The following DNAH12 variants were observed in gnomAD, a reference collection of about 807,000 sequenced individuals.
The protein encoded by DNAH12 is axonemal beta dynein heavy chain 12.
In DNAH12, 285 loss-of-function variants were observed where a neutral mutation model predicts 371.5. The observed-to-expected ratio is 0.77, with a 90% CI of 0.70 to 0.85. The LOEUF (loss-of-function observed/expected upper bound fraction) is 0.85, where lower values mean the gene tolerates loss of function less well. Ranked by LOEUF, DNAH12 falls within the 40% of genes least tolerant of loss-of-function variation. The pLI, the probability that DNAH12 is intolerant of heterozygous loss-of-function variation, is 0.00. For synonymous variants in DNAH12, 1,200 were observed against 1,213.0 expected, an observed-to-expected ratio of 0.99 and a Z score of 0.22; for missense variants, 3,611 against 3,689.4, an observed-to-expected ratio of 0.98 and a Z score of 0.55.
chr3:57,371,990 A>G lies in DNAH12; in HGVS notation c.8759+3381T>C, dbSNP rs990902705. ...ATTCTTTCAAAATGAAGATGAAATAAAGACTTTTTTCAAGGTTGGTTAATA... is the reference window on the plus strand; with the variant it reads ...ATTCTTTCAAAATGAAGATGAAATAGAGACTTTTTTCAAGGTTGGTTAATA... On this transcript the variant is annotated intron_variant, in intron 55 of 73. Coordinates refer to ENST00000495027, the MANE Select transcript of DNAH12 (RefSeq NM_001366028.2). Among the ~76,000 whole-genome samples, 51 of 148,810 alleles carry G rather than the reference A, an allele frequency of 3.4e-4. 2 individuals carry two copies. The East Asian group carries it at 7.4e-3, about 21-fold the overall frequency.
chr3:57,536,886 T>TCAC (rs1049863801), intron 2 of DNAH12, among the ~76,000 whole-genome samples: 19 of 152,374 alleles, frequency 1.2e-4, no homozygotes, highest in African/African-American at 4.6e-4. Flanking sequence ...GTGAGCCTTT[T>TCAC]CACTACCTGA....
At chr3:57,489,309 A>G (rs1431304546) in intron 12 of DNAH12, among the ~76,000 whole-genome samples, 200 bp downstream of exon 12, 1 of 152,144 alleles carries the variant, frequency 6.6e-6, no homozygotes, top group Non-Finnish European at 1.5e-5. Flanking sequence ...CCTGGGTTGC[A>G]TTTAAAAAGG....
chr3:57,555,793 G>T, the DNAH12 span, among the ~76,000 whole-genome samples: 5 of 152,240 alleles, frequency 3.3e-5, no homozygotes, highest in African/African-American at 1.2e-4. Context: ...CTGCTCAGAG[G>T]TGCGTAGGCG....
At chr3:57,419,642 A>G in intron 36 of DNAH12, 124 bp from the exon 37 acceptor site, 1 of 587,620 alleles carries the variant, frequency 1.7e-6, no homozygotes, top group African/African-American at 1.9e-5. Context: ...TTTTAATGAA[A>G]TATTACATTC....
Position 57,425,052 on chromosome 3 carries a change from A to G in DNAH12, c.5343T>C (p.Pro1781=). ...TCCAAACACGAATGTGCTTGCTAGTAGGATCATTTTCTACCACATTGCAAA... is the reference window on the plus strand; with the variant it reads ...TCCAAACACGAATGTGCTTGCTAGTGGGATCATTTTCTACCACATTGCAAA... ...VLLCNVVEND[P]TSKHIRVWIM... Residue 1781 remains proline (P), a synonymous_variant, in exon 35 of 74, where the codon CCT becomes CCC. Transcript: ENST00000495027. 1.4e-6 allele frequency: 1 copy of G among 702,722 alleles called. No homozygotes were observed. Among genetic ancestry groups the G allele is most frequent in the East Asian group, 2.7e-5 (1 of 37,254 alleles). The allele number at this position is 702,722 out of a possible 1,614,324, so 43.5% of individuals were successfully genotyped here.
At chr3:57,494,427 T>C (rs1474223242) in intron 11 of DNAH12, among the ~76,000 whole-genome samples, 2 of 151,892 alleles carry the variant, frequency 1.3e-5, no homozygotes, top group Non-Finnish European at 1.5e-5. Flanking sequence ...CCAGGCATGG[T>C]GGCCTGTGCC....
At position 57,462,732 on chromosome 3, in the gene DNAH12, T is replaced by C. The variant is rs1195484089; in HGVS notation, c.2493A>G (p.Pro831=). The change falls in exon 18 of 74, where the codon CCA becomes CCG. Residue 831 remains proline, a synonymous_variant. Transcript: ENST00000495027. ...TTATCACTTCAAATTGTTCCAAGTA[T>C]GGGGTAAGGTTTAATTTTAAAACTT... ...LRKVLKLNLT[P]YLEQFEVISA... is the part of the protein sequence containing the mutation. 1.3e-6 allele frequency: 2 copies of C among 1,551,498 alleles called. No individual in the cohort carries two copies. The highest frequency in any genetic ancestry group is 8.7e-7 in the Non-Finnish European group (1 of 1,146,904).
the DNAH12 span, among the ~76,000 whole-genome samples, chr3:57,549,822 C>A: frequency 2.0e-5 from 3 of 151,886 alleles, no homozygotes; most frequent in Non-Finnish European, 2.9e-5. Context: ...CAGGGTTTTG[C>A]CATGTTGCCC....
At chr3:57,503,336 CTAAT>C (rs1485370704) in intron 9 of DNAH12, among the ~76,000 whole-genome samples, 9 of 151,304 alleles carry the variant, frequency 5.9e-5, no homozygotes, top group Admixed American at 3.9e-4. Flanking sequence ...TATTTATTGA[CTAAT>C]TATTTACTGA....
At chr3:57,349,395 C>T (rs1305832420) in intron 60 of DNAH12, among the ~76,000 whole-genome samples, 1 of 152,182 alleles carries the variant, frequency 6.6e-6, no homozygotes, top group Admixed American at 6.5e-5. Context: ...ACAACCACTA[C>T]AGAAAACAGT....
chr3:57,301,501 T>G (rs2061345118), intron 70 of DNAH12, among the ~76,000 whole-genome samples: 1 of 152,022 alleles, frequency 6.6e-6, no homozygotes, highest in African/African-American at 2.4e-5. Context: ...CTTTGAAATG[T>G]GTATATTTTT....
intron 55 of DNAH12, among the ~76,000 whole-genome samples, chr3:57,372,793 G>A (rs2063202783): frequency 1.3e-5 from 2 of 151,724 alleles, no homozygotes; most frequent in Non-Finnish European, 2.9e-5. Flanking sequence ...AAGAAAAAAG[G>A]AACAAAGAAC....
At chr3:57,509,119 T>C in intron 6 of DNAH12, 21 bp downstream of exon 6, 1 of 1,595,588 alleles carries the variant, frequency 6.3e-7, no homozygotes. Context: ...TGAAGTACTG[T>C]TTTTAAAATA....
intron 73 of DNAH12, 100 bp downstream of exon 73, chr3:57,295,425 C>T (rs1579450444): frequency 8.5e-6 from 7 of 824,886 alleles, no homozygotes; most frequent in Non-Finnish European, 1.3e-5. Flanking sequence ...TGAGCTAGAT[C>T]CTAAAAGGTT....
chr3:57,437,539 CT>C (rs1444577741), intron 29 of DNAH12, among the ~76,000 whole-genome samples: 10 of 152,192 alleles, frequency 6.6e-5, no homozygotes, highest in Non-Finnish European at 2.9e-5. Flanking sequence ...AAAGCAACAG[CT>C]GTTTTCACCC....
chr3:57,301,947 G>C lies in DNAH12; in HGVS notation c.11190-8C>G, dbSNP rs1271945548. 6.4e-7 allele frequency: 1 copy of C among 1,550,428 alleles called. No homozygotes were observed. The highest frequency in any genetic ancestry group is 2.4e-5 in the East Asian group (1 of 40,892). ...CGTATAGTTATAATTAAACTGCAAT[G>C]AAAGAAATTATGTCATCAACATATA... On this transcript the variant is annotated splice_region_variant and splice_polypyrimidine_tract_variant and intron_variant, in intron 69 of 73. Transcript: ENST00000495027.
intron 59 of DNAH12, among the ~76,000 whole-genome samples, chr3:57,353,751 A>G (rs2062736930): frequency 6.6e-6 from 1 of 152,170 alleles, no homozygotes; most frequent in Non-Finnish European, 1.5e-5. Flanking sequence ...AGACATACAC[A>G]TGGCCAAAAA....
chr3:57,476,725 C>T (rs186523776), intron 13 of DNAH12, among the ~76,000 whole-genome samples: 144 of 152,038 alleles, frequency 9.5e-4, no homozygotes, highest in Admixed American at 2.2e-3. Context: ...TCATGTTTTA[C>T]GTAATTTTGG....
At chr3:57,352,508 G>C (rs1217785220) in intron 59 of DNAH12, among the ~76,000 whole-genome samples, 2 of 152,094 alleles carry the variant, frequency 1.3e-5, no homozygotes, top group African/African-American at 4.8e-5. Context: ...GCAACTTCTT[G>C]TGAGTCTGTA....
Sources: gnomAD v4.1 joint callset for allele counts (sites outside exome capture counted in the v4.1 genomes callset) on GRCh38, gnomAD v4.1.1 for gene constraint, MANE v1.5 for transcripts, NCBI Gene and HGNC (gene_info 2026-07-23, HGNC 2026-07-21) for gene names.